GPHN: variants seen among roughly 807,000 people sequenced by gnomAD.
The protein encoded by GPHN is gephyrin.
Under a neutral mutation model 95.5 loss-of-function variants are expected in GPHN, and 17 were observed. The observed-to-expected ratio is 0.18, with a 90% confidence interval of 0.12 to 0.27. The LOEUF is 0.27. GPHN is among the 10% of genes least tolerant of loss of function. The pLI, the probability that GPHN is intolerant of heterozygous loss-of-function variation, is 1.00. For missense variants in GPHN, 660 were observed against 978.1 expected (o/e 0.67, Z 4.34); for synonymous variants, 320 against 322.5 (o/e 0.99, Z 0.08).
the GPHN span, among the ~76,000 whole-genome samples, chr14:67,474,469 C>T: frequency 2.0e-5 from 3 of 152,188 alleles, no homozygotes; most frequent in African/African-American, 7.2e-5. Context: ...CAGGCCTATC[C>T]ACTGGGGACC....
intron 8 of GPHN, among the ~76,000 whole-genome samples, chr14:66,948,751 G>A (rs77934518): frequency 2.4e-3 from 362 of 152,244 alleles, no homozygotes; most frequent in African/African-American, 7.9e-3. Flanking sequence ...GCATTTATGC[G>A]TGACTTATCA....
intron 1 of GPHN, 76 bp downstream of exon 1, chr14:66,508,667 C>G: frequency 7.7e-7 from 1 of 1,292,770 alleles, no homozygotes; most frequent in Non-Finnish European, 1.1e-6. Flanking sequence ...CTGTGGTGGC[C>G]CTTCTCTGCG....
intron 9 of GPHN, among the ~76,000 whole-genome samples, chr14:66,989,102 ATAAC>A (rs1351016067): frequency 2.6e-5 from 4 of 152,046 alleles, no homozygotes; most frequent in African/African-American, 9.7e-5. Flanking sequence ...GTTAATTCTA[ATAAC>A]TAAACAGAAG....
chr14:67,112,443 C>CT (rs1276712677), intron 15 of GPHN, among the ~76,000 whole-genome samples: 2 of 152,154 alleles, frequency 1.3e-5, no homozygotes, highest in Non-Finnish European at 2.9e-5. Context: ...TACTAATTTG[C>CT]TGAACATCCC....
At chr14:67,602,044 G>A in the GPHN span, among the ~76,000 whole-genome samples, 7 of 151,924 alleles carry the variant, frequency 4.6e-5, no homozygotes, top group South Asian at 2.1e-4. Context: ...TCTGTGCCCC[G>A]AATCTGACAA....
intron 2 of GPHN, among the ~76,000 whole-genome samples, chr14:66,762,745 C>T (rs1398581702): frequency 2.0e-5 from 3 of 152,046 alleles, no homozygotes; most frequent in African/African-American, 7.2e-5. Context: ...CTCTTTTCTT[C>T]CCGAGTAAAG....
intron 5 of GPHN, among the ~76,000 whole-genome samples, chr14:66,902,322 C>G (rs2065160235): frequency 6.6e-6 from 1 of 152,000 alleles, no homozygotes; most frequent in Admixed American, 6.6e-5. Context: ...GCAAACAAGT[C>G]TACTTTCACT....
chr14:67,144,558 C>G (rs2080785545), intron 18 of GPHN, among the ~76,000 whole-genome samples: 1 of 152,048 alleles, frequency 6.6e-6, no homozygotes, highest in Non-Finnish European at 1.5e-5. Context: ...TGTTTTCTCT[C>G]ACATTAATGA....
the GPHN span, among the ~76,000 whole-genome samples, chr14:67,557,618 G>A: frequency 6.6e-6 from 1 of 152,370 alleles, no homozygotes; most frequent in East Asian, 1.9e-4. Flanking sequence ...GCAGGGGATA[G>A]AGTAGAAAAA....
intron 17 of GPHN, among the ~76,000 whole-genome samples, chr14:67,127,527 G>A (rs572531052): frequency 1.3e-5 from 2 of 152,280 alleles, no homozygotes; most frequent in South Asian, 4.1e-4. Context: ...TGAGTCGTCT[G>A]GAGATCTTAT....
intron 18 of GPHN, among the ~76,000 whole-genome samples, chr14:67,154,822 A>C (rs1323468438): frequency 2.6e-5 from 4 of 152,134 alleles, no homozygotes; most frequent in Admixed American, 6.5e-5. Context: ...TTCTCCCACC[A>C]AGAACATCTA....
At chr14:66,798,529 C>T (rs946362832) in intron 3 of GPHN, among the ~76,000 whole-genome samples, 3 of 151,784 alleles carry the variant, frequency 2.0e-5, no homozygotes, top group African/African-American at 7.3e-5. Context: ...CTTCATGTTT[C>T]AACCATGTTA....
intron 2 of GPHN, among the ~76,000 whole-genome samples, chr14:66,702,359 G>A (rs2068634485): frequency 6.6e-6 from 1 of 152,138 alleles, no homozygotes; most frequent in Non-Finnish European, 1.5e-5. Flanking sequence ...CCTCCAAAAG[G>A]GATTGTCAAA....
At chr14:66,516,823 G>GTTGGATA (rs2058266042) in intron 1 of GPHN, among the ~76,000 whole-genome samples, 1 of 152,146 alleles carries the variant, frequency 6.6e-6, no homozygotes, top group South Asian at 2.1e-4. Context: ...GTTAAGAACT[G>GTTGGATA]TTGGATATCT....
intron 1 of GPHN, among the ~76,000 whole-genome samples, chr14:66,599,392 A>ATTTTT (rs765267813): frequency 0.011 from 808 of 76,358 alleles, 6 homozygotes; most frequent in Non-Finnish European, 0.016. Flanking sequence ...TTTTTTTTGC[A>ATTTTT]TTTTTTTTTT....
chr14:67,277,349 C>G, the GPHN span, among the ~76,000 whole-genome samples: 23,540 of 152,064 alleles, frequency 0.15, 3,434 homozygotes, highest in East Asian at 0.42. Flanking sequence ...AACTGGCATC[C>G]ATTTTCCTGA....
chr14:67,135,529 G>C (rs1204867293), intron 17 of GPHN, among the ~76,000 whole-genome samples: 1 of 152,074 alleles, frequency 6.6e-6, no homozygotes, highest in East Asian at 1.9e-4. Context: ...CTATTTTCTA[G>C]TTTTTGGTAT....
the GPHN span, among the ~76,000 whole-genome samples, chr14:67,461,745 T>A: frequency 6.6e-6 from 1 of 152,148 alleles, no homozygotes; most frequent in Non-Finnish European, 1.5e-5. Flanking sequence ...AATGAGATAG[T>A]CCTGCAAAAG....
intron 4 of GPHN, among the ~76,000 whole-genome samples, chr14:66,832,657 G>A (rs1033017294): frequency 1.3e-5 from 2 of 151,214 alleles, no homozygotes; most frequent in Non-Finnish European, 2.9e-5. Flanking sequence ...CATTTTCTTT[G>A]TTCAATGTAA....
Sources: allele counts gnomAD v4.1 joint callset (sites outside exome capture counted in the v4.1 genomes callset), GRCh38; gene constraint gnomAD v4.1.1; transcripts MANE v1.5; gene names NCBI Gene and HGNC (gene_info 2026-07-23, HGNC 2026-07-21).